Variants in ABCA4 observed in about 807,000 individuals in gnomAD.
ABCA4 encodes the protein retinal-specific phospholipid-transporting ATPase ABCA4.
In ABCA4, 196 loss-of-function variants were observed where a neutral mutation model predicts 263.7. The observed-to-expected ratio is 0.74, with a 90% CI of 0.66 to 0.84. The LOEUF is 0.84. Among genes scored for constraint, ABCA4 ranks in the 40% least tolerant of loss-of-function variants. ABCA4 has a pLI of 0.00. For missense variants in ABCA4, 2,792 were observed against 2,855.1 expected (o/e 0.98, Z 0.50); for synonymous variants, 1,133 against 1,094.2 (o/e 1.04, Z -0.70).
chr1:94,045,706 A>AG, intron 19 of ABCA4: 2 of 455,100 alleles, frequency 4.4e-6, no homozygotes, highest in South Asian at 3.1e-5. Context: ...CAACCACTAG[A>AG]GGGAAACAGA....
At chr1:94,114,853 T>G (rs1367176797) in intron 1 of ABCA4, among the ~76,000 whole-genome samples, 1 of 152,196 alleles carries the variant, frequency 6.6e-6, no homozygotes, top group Non-Finnish European at 1.5e-5. Flanking sequence ...AGTGAAGCCC[T>G]CAAGGGCAGT....
chr1:94,029,484 T>C lies in ABCA4; in HGVS notation c.4500A>G (p.Pro1500=), dbSNP rs1571263368. The C allele has an allele frequency of 6.3e-7, 1 of 1,583,754 alleles. No individual in the cohort carries two copies. Among genetic ancestry groups the C allele is most frequent in the East Asian group, 2.3e-5 (1 of 44,002 alleles). Residue 1500 remains proline, a synonymous_variant, in exon 30 of 50, where the codon CCA becomes CCG. Transcript: ENST00000370225. The stretch of plus-strand genomic sequence containing the variant: ...GGCCCCCGGCACCCTCGGGGCACTC[T>C]GGCAGCATGGTGAGCTTCTCCCTGG... ...CSTREKLTML[P]ECPEGAGGLP... is the part of the protein sequence containing the mutation.
intron 27 of ABCA4, 148 bp downstream of exon 27, chr1:94,031,630 T>C (rs1660207226): frequency 9.0e-7 from 1 of 1,107,024 alleles, no homozygotes; most frequent in Non-Finnish European, 1.3e-6. Context: ...AAGATAAGGG[T>C]TTGGAAAGCA....
At chr1:94,114,808 C>T (rs2101171610) in intron 1 of ABCA4, among the ~76,000 whole-genome samples, 1 of 152,332 alleles carries the variant, frequency 6.6e-6, no homozygotes, top group Non-Finnish European at 1.5e-5. Context: ...CTTCTTAACA[C>T]ACACCGCACT....
chr1:94,033,833 A>G (rs895944783), intron 26 of ABCA4, among the ~76,000 whole-genome samples: 19 of 152,068 alleles, frequency 1.2e-4, no homozygotes, highest in Non-Finnish European at 2.8e-4. Context: ...CCAGTTCTGC[A>G]GGCTCCTTCT....
intron 44 of ABCA4, among the ~76,000 whole-genome samples, chr1:94,003,864 C>G (rs981701349): frequency 6.6e-6 from 1 of 152,150 alleles, no homozygotes; most frequent in Admixed American, 6.5e-5. Flanking sequence ...TCTGGAACTC[C>G]TGGGCTCAAG....
chr1:94,027,534 C>G (rs1660075174), intron 30 of ABCA4, among the ~76,000 whole-genome samples: 1 of 152,158 alleles, frequency 6.6e-6, no homozygotes, highest in African/African-American at 2.4e-5. Flanking sequence ...CTTTTGGGAT[C>G]CCTATGATGC....
At chr1:94,113,428 T>C (rs1051046517) in intron 1 of ABCA4, among the ~76,000 whole-genome samples, 1 of 152,204 alleles carries the variant, frequency 6.6e-6, no homozygotes, top group Non-Finnish European at 1.5e-5. Context: ...GAGCTTGCAT[T>C]TCTAACAAGC....
intron 3 of ABCA4, among the ~76,000 whole-genome samples, chr1:94,109,489 C>T (rs923367573): frequency 1.3e-5 from 2 of 152,230 alleles, no homozygotes; most frequent in Non-Finnish European, 2.9e-5. Flanking sequence ...GAGAATAAAG[C>T]TGGGTCAACC....
At chr1:94,007,319 G>A (rs1659418871) in intron 43 of ABCA4, among the ~76,000 whole-genome samples, 1 of 152,136 alleles carries the variant, frequency 6.6e-6, no homozygotes, top group African/African-American at 2.4e-5. Flanking sequence ...ATAGGAATAG[G>A]CTACAAATAT....
intron 40 of ABCA4, among the ~76,000 whole-genome samples, 198 bp from the exon 41 acceptor site, chr1:94,009,069 G>C (rs1659478476): frequency 6.6e-6 from 1 of 152,088 alleles, no homozygotes; most frequent in African/African-American, 2.4e-5. Flanking sequence ...CATGTCCAGA[G>C]TCAGCCTTGG....
chr1:94,001,551 A>T (rs1248125536), intron 45 of ABCA4: 2 of 583,860 alleles, frequency 3.4e-6, no homozygotes, highest in Non-Finnish European at 6.4e-6. Context: ...CTGTATGGGG[A>T]CCAGACACCG....
intron 25 of ABCA4, 91 bp downstream of exon 25, chr1:94,037,054 G>T: frequency 1.4e-6 from 2 of 1,381,224 alleles, no homozygotes; most frequent in Non-Finnish European, 2.1e-6. Context: ...ATGGCTTTTT[G>T]CTTTTACAAA....
chr1:94,003,043 C>T (rs1397836568), intron 44 of ABCA4, among the ~76,000 whole-genome samples: 3 of 152,188 alleles, frequency 2.0e-5, no homozygotes, highest in African/African-American at 7.2e-5. Context: ...TTACTCATCA[C>T]AGCCCTTCAC....
Position 94,021,315 on chromosome 1 carries a change from C to G in ABCA4, c.4943G>C (p.Ser1648Thr). 1 of 1,614,184 alleles carries G rather than the reference C, an allele frequency of 6.2e-7. No individual in the cohort carries two copies. The highest frequency in any genetic ancestry group is 8.5e-7 in the Non-Finnish European group (1 of 1,180,028). Reference sequence around the variant, plus strand: ...GACGGTGATTCCATACTCCTCGGGGCTCCTGTCCTTAGGCAGGCTGGCCCG... The same window carrying G: ...GACGGTGATTCCATACTCCTCGGGGGTCCTGTCCTTAGGCAGGCTGGCCCG... ...ILRASLPKDR[S>T]PEEYGITVIS... The change falls in exon 35 of 50, where the codon AGC becomes ACC. Residue 1648 changes from serine (S) to threonine (T), a missense_variant. Coordinates refer to ENST00000370225, the MANE Select transcript of ABCA4 (RefSeq NM_000350.3).
intron 7 of ABCA4, 41 bp from the exon 8 acceptor site, chr1:94,080,759 A>G (rs771966968): frequency 1.1e-5 from 18 of 1,613,800 alleles, no homozygotes; most frequent in Middle Eastern, 1.6e-4. Context: ...TAAGGCAGCT[A>G]GAGTCATAAT....
chr1:94,078,680 T>C lies in ABCA4; in HGVS notation c.1266A>G (p.Glu422=). The change falls in exon 10 of 50, where the codon GAA becomes GAG. Residue 422 remains glutamate (E), a synonymous_variant. Transcript: ENST00000370225. ...AGGCTTTGACCAACTTCCTAACGTG[T>C]TCCAGTTCTTCAAAAGTTGAGTTGG... ...KNANSTFEEL[E]HVRKLVKAWE... is the part of the protein sequence containing the mutation. 1 of 1,613,346 alleles carries C rather than the reference T, an allele frequency of 6.2e-7. No individual in the cohort carries two copies. The highest frequency in any genetic ancestry group is 8.5e-7 in the Non-Finnish European group (1 of 1,179,628).
At chr1:94,087,477 C>T (rs1661862280) in intron 6 of ABCA4, among the ~76,000 whole-genome samples, 1 of 152,188 alleles carries the variant, frequency 6.6e-6, no homozygotes, top group Admixed American at 6.5e-5. Flanking sequence ...CAGGAGAAGT[C>T]ATAGGATGGG....
At chr1:94,112,771 G>A (rs756673420) in intron 2 of ABCA4, among the ~76,000 whole-genome samples, 9 of 152,276 alleles carry the variant, frequency 5.9e-5, no homozygotes, top group Middle Eastern at 3.4e-3. Context: ...CTCCAGCCTC[G>A]GCAACAGAGT....
Sources: allele counts gnomAD v4.1 joint callset (sites outside exome capture counted in the v4.1 genomes callset), GRCh38; gene constraint gnomAD v4.1.1; transcripts MANE v1.5; gene names NCBI Gene and HGNC (gene_info 2026-07-23, HGNC 2026-07-21).